ITIH2: variants seen among roughly 807,000 people sequenced by gnomAD.
The protein encoded by ITIH2 is inter-alpha-trypsin inhibitor heavy chain 2, also known as inter-alpha-trypsin inhibitor heavy chain H2.
Under a neutral mutation model 104.4 loss-of-function variants are expected in ITIH2, and 103 were observed. That is an observed-to-expected ratio of 0.99 (90% CI 0.84 to 1.16). The LOEUF (loss-of-function observed/expected upper bound fraction) is 1.16. Among genes scored for constraint, ITIH2 ranks in the 50% most tolerant of loss-of-function variants. ITIH2 has a pLI of 0.00. For synonymous variants in ITIH2, 436 were observed against 435.4 expected, an observed-to-expected ratio of 1.00 and a Z score of -0.02; for missense variants, 1,108 against 1,162.4, an observed-to-expected ratio of 0.95 and a Z score of 0.68.
intron 11 of ITIH2, among the ~76,000 whole-genome samples, chr10:7,728,745 A>G (rs923433025): frequency 3.3e-5 from 5 of 152,058 alleles, no homozygotes; most frequent in Non-Finnish European, 7.4e-5. Context: ...GTAATAGCGA[A>G]TGCCAGATTG....
At position 7,749,373 on chromosome 10, in the gene ITIH2, T is replaced by A. The variant is rs1300109860; in HGVS notation, c.*39T>A. 6.6e-7 allele frequency: 1 copy of A among 1,511,092 alleles called. No individual in the cohort carries two copies. The highest frequency in any genetic ancestry group is 1.4e-5 in the African/African-American group (1 of 72,374). The allele number at this position is 1,511,092 out of a possible 1,614,324, so 93.6% of individuals were successfully genotyped here. A position where few individuals can be genotyped will look rare whatever the true frequency, so the allele number is the denominator to read the frequency against. The stretch of plus-strand genomic sequence containing the variant: ...GGGAAATTATATATATTAATATACA[T>A]CTTTCCCCTGTCACTTTTGCAGATA... On this transcript the variant is annotated 3_prime_UTR_variant, in exon 21 of 21. Transcript: ENST00000358415.
intron 5 of ITIH2, among the ~76,000 whole-genome samples, chr10:7,715,221 G>C (rs928015350): frequency 6.6e-6 from 1 of 152,148 alleles, no homozygotes; most frequent in Non-Finnish European, 1.5e-5. Flanking sequence ...AGGAGACCGA[G>C]ACCATCCTGG....
At chr10:7,716,221 C>G (rs1273270566) in intron 5 of ITIH2, among the ~76,000 whole-genome samples, 1 of 151,990 alleles carries the variant, frequency 6.6e-6, no homozygotes, top group Non-Finnish European at 1.5e-5. Context: ...CCTCAAGTGA[C>G]CCACCCACCT....
At chr10:7,719,040 C>A (rs1834876938) in intron 6 of ITIH2, among the ~76,000 whole-genome samples, 1 of 152,172 alleles carries the variant, frequency 6.6e-6, no homozygotes, top group Admixed American at 6.5e-5. Flanking sequence ...CAAGAGGAAA[C>A]CTAAGAGAGT....
chr10:7,735,185 C>A (rs1280665137), intron 15 of ITIH2, 94 bp downstream of exon 15: 6 of 1,183,616 alleles, frequency 5.1e-6, no homozygotes, highest in Non-Finnish European at 7.0e-6. Flanking sequence ...CCCACCCCAG[C>A]CCACCTCTTG....
intron 16 of ITIH2, among the ~76,000 whole-genome samples, chr10:7,739,621 T>A (rs1235290883): frequency 6.6e-6 from 1 of 152,184 alleles, no homozygotes; most frequent in Non-Finnish European, 1.5e-5. Flanking sequence ...GCAAGGCCCA[T>A]GGCTCACACT....
rs967250212 is a variant in ITIH2 at position 7,718,889 on chromosome 10, C to T, written c.630+1101C>T. Among the ~76,000 whole-genome samples, 3 of 152,160 alleles carry T rather than the reference C, an allele frequency of 2.0e-5. No homozygotes were observed. In the East Asian group the frequency reaches 5.8e-4, roughly 29 times the overall value. ...TCATCACCGCAGGGGAGCAGTGCCT[C>T]GGTCATCCACTGCATTACTATCCAT... On this transcript the variant is annotated intron_variant, in intron 6 of 20. Transcript: ENST00000358415.
rs375762961 is a variant in ITIH2, at chr10:7,746,714, G to A, written c.2693+10G>A. The stretch of plus-strand genomic sequence containing the variant: ...AGCTGATCATCACCAGGTAGGCCTC[G>A]GGCGTAAGGACAGTGACGAAAAGGC... On this transcript the variant is annotated intron_variant, in intron 20 of 20. Coordinates refer to ENST00000358415, the MANE Select transcript of ITIH2 (RefSeq NM_002216.3). The A allele has an allele frequency of 3.6e-5, 57 of 1,567,162 alleles. No homozygotes were observed. The highest frequency in any genetic ancestry group is 2.0e-4 in the African/African-American group (15 of 73,928).
Position 7,734,824 on chromosome 10 carries a change from T to C in ITIH2, c.1788-98T>C, listed in dbSNP as rs1447816579. 5.8e-6 allele frequency: 6 copies of C among 1,030,606 alleles called. No homozygotes were observed. The Admixed American group carries it at 1.1e-4, about 19-fold the overall frequency. The allele number at this position is 1,030,606 out of a possible 1,614,324, so 63.8% of individuals were successfully genotyped here. On this transcript the variant is annotated intron_variant, in intron 14 of 20. Coordinates refer to ENST00000358415, the MANE Select transcript of ITIH2 (RefSeq NM_002216.3). ...TTGCGGCTCCGCCCCACCCCCAGGT[T>C]GGACCCCAGCAGTGGTGGGGTGCAG...
chr10:7,736,569 T>C (rs1301810195), intron 15 of ITIH2, among the ~76,000 whole-genome samples: 1 of 152,192 alleles, frequency 6.6e-6, no homozygotes, highest in Non-Finnish European at 1.5e-5. Flanking sequence ...CATAAGATTC[T>C]GAGTATTCAA....
intron 19 of ITIH2, among the ~76,000 whole-genome samples, chr10:7,746,026 T>G (rs1298222631): frequency 7.9e-6 from 1 of 127,184 alleles, no homozygotes; most frequent in African/African-American, 3.0e-5. Context: ...AGTGCTGGGA[T>G]TACAGGTGTG....
Position 7,732,188 on chromosome 10 carries a change from C to T in ITIH2, c.1648-150C>T, listed in dbSNP as rs966806195. 3.0e-6 allele frequency: 3 copies of T among 998,178 alleles called. No homozygotes were observed. The African/African-American group carries it at 4.9e-5, about 16-fold the overall frequency. The allele number at this position is 998,178 out of a possible 1,614,324, so 61.8% of individuals were successfully genotyped here. On this transcript the variant is annotated intron_variant, in intron 13 of 20. Transcript: ENST00000358415. ...CTGACCTTTTCACCCAAGCCCAATC[C>T]CAAGCACAGGAATGCATTTCCTTCC... is the stretch of plus-strand genomic sequence containing the variant.
intron 5 of ITIH2, among the ~76,000 whole-genome samples, chr10:7,716,470 C>T (rs1834850560): frequency 6.6e-6 from 1 of 152,050 alleles, no homozygotes; most frequent in Admixed American, 6.5e-5. Context: ...GGTGCAGTGG[C>T]TCAGACTATA....
At chr10:7,741,511 G>C (rs1398587750) in intron 16 of ITIH2, among the ~76,000 whole-genome samples, 1 of 152,114 alleles carries the variant, frequency 6.6e-6, no homozygotes, top group Non-Finnish European at 1.5e-5. Context: ...TGTAGTGTCT[G>C]GCTCCAAGAA....
chr10:7,706,637 G>C (rs1013532340), intron 2 of ITIH2, among the ~76,000 whole-genome samples: 1 of 152,170 alleles, frequency 6.6e-6, no homozygotes, highest in African/African-American at 2.4e-5. Context: ...AACAAGGTGA[G>C]CACTCTGCAG....
intron 14 of ITIH2, among the ~76,000 whole-genome samples, chr10:7,732,765 T>C (rs12257143): frequency 0.049 from 7,406 of 152,206 alleles, 206 homozygotes; most frequent in Middle Eastern, 0.12. Flanking sequence ...TCTCGCTCTG[T>C]CTCCCAGGCT....
At position 7,727,839 on chromosome 10, in the gene ITIH2, C is replaced by T. The variant is rs747178163; in HGVS notation, c.1279+11C>T. 3 of 1,614,042 alleles carry T rather than the reference C, an allele frequency of 1.9e-6. No homozygotes were observed. The South Asian group carries it at 3.3e-5, about 18-fold the overall frequency. On this transcript the variant is annotated intron_variant, in intron 11 of 20. Transcript: ENST00000358415. Reference sequence around the variant, plus strand: ...GAGATCCAACAGTGGGCAAGTGTCACTTCAACCTTCTCACGACAAACACTT... The same window carrying T: ...GAGATCCAACAGTGGGCAAGTGTCATTTCAACCTTCTCACGACAAACACTT...
In ITIH2 at chr10:7,731,919, G is replaced by A. The variant is rs762727929; in HGVS notation, c.1570G>A (p.Gly524Ser). The A allele has an allele frequency of 4.3e-6, 7 of 1,613,822 alleles. No homozygotes were observed. Among genetic ancestry groups the A allele is most frequent in the Non-Finnish European group, 5.1e-6 (6 of 1,179,908 alleles). ...AAACAATTTCCATAACTACTTTGGA[G>A]GCTCAGAGATTGTGGTGGCAGGAAA... ...TQNNFHNYFG[G>S]SEIVVAGKFD... The change falls in exon 13 of 21, where the codon GGC (glycine) becomes AGC (serine). Residue 524 changes from glycine to serine, a missense_variant. By Grantham distance (56) the Gly-to-Ser change is moderately conservative (BLOSUM62 0). Coordinates refer to ENST00000358415, the MANE Select transcript of ITIH2 (RefSeq NM_002216.3).
In ITIH2 at chr10:7,721,836, T is replaced by C. The variant is rs1005439797; in HGVS notation, c.867+59T>C. 7 of 1,592,512 alleles carry C rather than the reference T, an allele frequency of 4.4e-6. No homozygotes were observed. The Admixed American group carries it at 6.8e-5, about 16-fold the overall frequency. On this transcript the variant is annotated intron_variant, in intron 8 of 20. Coordinates refer to ENST00000358415, the MANE Select transcript of ITIH2 (RefSeq NM_002216.3). ...GCTCGTGCCAAAGAGCTGCTCCTTT[T>C]TGAACAAACTCCCAGGCCTATGGGT...
Sources: allele counts gnomAD v4.1 joint callset (sites outside exome capture counted in the v4.1 genomes callset), GRCh38; gene constraint gnomAD v4.1.1; transcripts MANE v1.5; gene names NCBI Gene and HGNC (gene_info 2026-07-23, HGNC 2026-07-21).